PPP1R12B: variants seen among roughly 807,000 people sequenced by gnomAD.
The protein encoded by PPP1R12B is myosin phosphatase target subunit 2.
PPP1R12B carries 76 observed loss-of-function variants against 126.1 expected under a neutral mutation model. The observed-to-expected ratio is 0.60, with a 90% CI of 0.50 to 0.73. The LOEUF (loss-of-function observed/expected upper bound fraction) is 0.73, where lower values mean the gene tolerates loss of function less well. Ranked by LOEUF, PPP1R12B falls within the 30% of genes least tolerant of loss-of-function variation. PPP1R12B has a pLI of 0.00. For synonymous variants in PPP1R12B, 356 were observed against 434.7 expected (o/e 0.82, Z 2.25); for missense variants, 1,052 against 1,205.1 (o/e 0.87, Z 1.88).
rs929544643 is a variant in PPP1R12B at position 202,580,664 on chromosome 1, G to T, written c.*104G>T. The T allele has an allele frequency of 1.1e-6, 1 of 926,204 alleles. No individual in the cohort carries two copies. The highest frequency in any genetic ancestry group is 1.7e-6 in the Non-Finnish European group (1 of 574,636). 57.4% of individuals were successfully genotyped at this position (926,204 alleles called of 1,614,324 possible). A position where few individuals can be genotyped will look rare whatever the true frequency, so the allele number is the denominator to read the frequency against. On this transcript the variant is annotated 3_prime_UTR_variant, in exon 24 of 24. Transcript: ENST00000608999. ...ACCAAAAGAAATGGATGTTTTGGTG[G>T]AAGGACACTTCTTTCTATCACCCTC...
chr1:202,482,668 A>T (rs1389490272), intron 13 of PPP1R12B, among the ~76,000 whole-genome samples: 2 of 151,882 alleles, frequency 1.3e-5, no homozygotes, highest in Non-Finnish European at 2.9e-5. Flanking sequence ...TAGTTTGCAA[A>T]TTTTCTTTCC....
chr1:202,407,093 A>G (rs76421481), intron 1 of PPP1R12B, among the ~76,000 whole-genome samples: 2 of 152,176 alleles, frequency 1.3e-5, no homozygotes, highest in Admixed American at 1.3e-4. Context: ...CTTTCAAAAA[A>G]CATGATTTGA....
intron 18 of PPP1R12B, among the ~76,000 whole-genome samples, chr1:202,533,289 ATTTTG>A (rs58502239): frequency 0.46 from 69,100 of 148,664 alleles, 16,659 homozygotes; most frequent in East Asian, 0.7. Flanking sequence ...TTTTGGGGGT[ATTTTG>A]TTTTGTTTTG....
intron 1 of PPP1R12B, among the ~76,000 whole-genome samples, chr1:202,366,791 C>T (rs139509520): frequency 5.3e-5 from 8 of 152,224 alleles, no homozygotes; most frequent in Non-Finnish European, 7.4e-5. Context: ...ACTTCATTTA[C>T]ATATGGGTGC....
intron 13 of PPP1R12B, among the ~76,000 whole-genome samples, chr1:202,479,939 G>A (rs1677145333): frequency 1.3e-5 from 2 of 152,154 alleles, no homozygotes; most frequent in African/African-American, 4.8e-5. Context: ...CCTCTCTGAA[G>A]GGTAGCAACA....
chr1:202,414,689 G>A (rs866958373), intron 1 of PPP1R12B, among the ~76,000 whole-genome samples: 1 of 152,124 alleles, frequency 6.6e-6, no homozygotes, highest in African/African-American at 2.4e-5. Flanking sequence ...TAATTTGTTG[G>A]TTATTCTTTT....
chr1:202,379,677 A>AT, intron 1 of PPP1R12B, among the ~76,000 whole-genome samples: 1 of 152,294 alleles, frequency 6.6e-6, no homozygotes, highest in Non-Finnish European at 1.5e-5. Flanking sequence ...TTTTTCCCCT[A>AT]ATTTCACATC....
chr1:202,440,841 C>A, intron 11 of PPP1R12B, 53 bp downstream of exon 11: 2 of 1,422,582 alleles, frequency 1.4e-6, no homozygotes, highest in Non-Finnish European at 2.0e-6. Flanking sequence ...GTCTACTGGA[C>A]ATAGTCATCT....
At chr1:202,483,802 G>A (rs1170973632) in intron 13 of PPP1R12B, among the ~76,000 whole-genome samples, 1 of 152,136 alleles carries the variant, frequency 6.6e-6, no homozygotes, top group East Asian at 1.9e-4. Flanking sequence ...CTCTGGTCTT[G>A]GATGGATGGA....
chr1:202,359,474 G>A (rs530007010), intron 1 of PPP1R12B, among the ~76,000 whole-genome samples: 260 of 151,466 alleles, frequency 1.7e-3, no homozygotes, highest in Non-Finnish European at 2.3e-3. Flanking sequence ...TCTCTAGAAC[G>A]TAGAAATTTA....
In PPP1R12B at chr1:202,567,816, G is replaced by A. The variant is rs768979687; in HGVS notation, c.2796G>A (p.Leu932=). 6.8e-6 allele frequency: 11 copies of A among 1,613,878 alleles called. No homozygotes were observed. The South Asian group carries it at 1.1e-4, about 16-fold the overall frequency. ...AGACCTCTGACCGATCATCAGTGCTGGAGATGGAGAAACGGGTATGCGCAT... is the reference window on the plus strand; with the variant it reads ...AGACCTCTGACCGATCATCAGTGCTAGAGATGGAGAAACGGGTATGCGCAT... ...QEKTSDRSSV[L]EMEKRERRAL... is the part of the protein sequence containing the mutation. Residue 932 remains leucine (L), a synonymous_variant, in exon 22 of 24, where the codon CTG becomes CTA. Transcript: ENST00000608999.
chr1:202,441,988 A>G (rs1671688831), intron 11 of PPP1R12B, among the ~76,000 whole-genome samples: 1 of 151,780 alleles, frequency 6.6e-6, no homozygotes, highest in African/African-American at 2.4e-5. Context: ...TCCCGAGTAC[A>G]GGCATGTGCC....
chr1:202,431,318 C>G (rs995865702), intron 7 of PPP1R12B, among the ~76,000 whole-genome samples, 162 bp from the exon 8 acceptor site: 1 of 152,154 alleles, frequency 6.6e-6, no homozygotes, highest in African/African-American at 2.4e-5. Flanking sequence ...AATACTAAAT[C>G]TTAGTCTGCA....
chr1:202,532,763 G>GA (rs967105607), intron 18 of PPP1R12B, among the ~76,000 whole-genome samples: 4 of 147,178 alleles, frequency 2.7e-5, no homozygotes, highest in Admixed American at 1.4e-4. Context: ...GTAGTGAGAT[G>GA]AAAAAACTCT....
At chr1:202,540,265 T>G in intron 18 of PPP1R12B, 1 of 1,526,714 alleles carries the variant, frequency 6.6e-7, no homozygotes, top group Non-Finnish European at 9.0e-7. Context: ...TTTATTTACG[T>G]ATGTTCATAG....
At chr1:202,487,235 T>C (rs544457881) in intron 13 of PPP1R12B, among the ~76,000 whole-genome samples, 65 of 152,328 alleles carry the variant, frequency 4.3e-4, no homozygotes, top group Non-Finnish European at 7.8e-4. Flanking sequence ...AAGTTCAACA[T>C]ACACTAATGA....
intron 1 of PPP1R12B, among the ~76,000 whole-genome samples, chr1:202,384,935 ACAATTG>A (rs1384713742): frequency 2.0e-5 from 3 of 152,236 alleles, no homozygotes; most frequent in Non-Finnish European, 2.9e-5. Flanking sequence ...ATTTCCACTT[ACAATTG>A]CTGTTGTCAT....
At chr1:202,349,257 T>G (rs958851075) in intron 1 of PPP1R12B, 115 bp downstream of exon 1, 3 of 1,252,916 alleles carry the variant, frequency 2.4e-6, no homozygotes, top group Non-Finnish European at 3.3e-6. Context: ...GCATGGACAC[T>G]GCCCTTTTGG....
intron 13 of PPP1R12B, among the ~76,000 whole-genome samples, chr1:202,458,195 G>T (rs1167579746): frequency 6.8e-5 from 10 of 146,436 alleles, no homozygotes; most frequent in Non-Finnish European, 1.5e-4. Flanking sequence ...AGAGAGGTAG[G>T]CAGGAACCAA....
Sources: gnomAD v4.1 joint callset for allele counts (sites outside exome capture counted in the v4.1 genomes callset) on GRCh38, gnomAD v4.1.1 for gene constraint, MANE v1.5 for transcripts, NCBI Gene and HGNC (gene_info 2026-07-23, HGNC 2026-07-21) for gene names.